Variants in DAPK1 observed in about 807,000 individuals in gnomAD.
DAPK1 encodes death associated protein kinase 1.
Under a neutral mutation model 144.9 loss-of-function variants are expected in DAPK1, and 56 were observed. That is an observed-to-expected ratio of 0.39 (90% CI 0.31 to 0.48). The LOEUF (loss-of-function observed/expected upper bound fraction) is 0.48, where lower values mean the gene tolerates loss of function less well. Ranked by LOEUF, DAPK1 falls within the 20% of genes least tolerant of loss-of-function variation. DAPK1 has a pLI of 0.95. For synonymous variants in DAPK1, 690 were observed against 749.0 expected (o/e 0.92, Z 1.29); for missense variants, 1,454 against 1,875.4 (o/e 0.78, Z 4.15).
chr9:87,528,983 A>G (rs78904489), intron 2 of DAPK1, among the ~76,000 whole-genome samples: 1 of 152,056 alleles, frequency 6.6e-6, no homozygotes, highest in Non-Finnish European at 1.5e-5. Flanking sequence ...TAAGGGAAGA[A>G]TGCTTCAAGG....
At chr9:87,678,227 T>G (rs528664735) in intron 19 of DAPK1, among the ~76,000 whole-genome samples, 38 of 152,212 alleles carry the variant, frequency 2.5e-4, no homozygotes, top group South Asian at 6.2e-4. Flanking sequence ...TTGTAGAATT[T>G]ATAGACAGGG....
At position 87,508,411 on chromosome 9, in the gene DAPK1, C is replaced by T. The variant is rs967708275; in HGVS notation, c.62+9272C>T. On this transcript the variant is annotated intron_variant, in intron 2 of 25. Transcript: ENST00000408954. The stretch of plus-strand genomic sequence containing the variant: ...AGGCTGGAGTGCAGTGGCGCGATTT[C>T]GGCTCACTGCAACCTCCACCTCCCG... 5.4e-5 allele frequency among the ~76,000 whole-genome samples: 8 copies of T among 148,854 alleles called. No individual in the cohort carries two copies. The South Asian group carries it at 1.3e-3, about 24-fold the overall frequency.
chr9:87,690,715 G>A (rs10435955), intron 21 of DAPK1, among the ~76,000 whole-genome samples: 21,591 of 151,968 alleles, frequency 0.14, 2,029 homozygotes, highest in East Asian at 0.43. Context: ...ATTATGTTGA[G>A]ATATGTTCCT....
chr9:87,566,246 C>T (rs1461767473), intron 2 of DAPK1, among the ~76,000 whole-genome samples: 2 of 152,098 alleles, frequency 1.3e-5, no homozygotes, highest in Non-Finnish European at 2.9e-5. Context: ...TAATCTCGAT[C>T]TCCTGACCTT....
At chr9:87,652,507 CA>C (rs1251664800) in intron 17 of DAPK1, among the ~76,000 whole-genome samples, 5 of 142,644 alleles carry the variant, frequency 3.5e-5, no homozygotes, top group African/African-American at 1.3e-4. Flanking sequence ...CACCTGATAC[CA>C]GGTCCTGATT....
rs1564000967 is a variant in DAPK1, at chr9:87,571,486, C to CCA, written c.63-33468_63-33467insCA. The stretch of plus-strand genomic sequence containing the variant: ...ACACACACACACACCAACACACACA[C>CCA]ACACACACCCCAACACACACACACA... On this transcript the variant is annotated intron_variant, in intron 2 of 25. Transcript: ENST00000408954. Among the ~76,000 whole-genome samples, 108 of 56,928 alleles carry CCA rather than the reference C, an allele frequency of 1.9e-3. 11 individuals are homozygous for CCA. The highest frequency in any genetic ancestry group is 9.4e-3 in the African/African-American group (105 of 11,182). 37.3% of individuals were successfully genotyped at this position (56,928 alleles called of 152,430 possible). A position where few individuals can be genotyped will look rare whatever the true frequency, so the allele number is the denominator to read the frequency against.
intron 3 of DAPK1, among the ~76,000 whole-genome samples, chr9:87,612,573 A>C (rs1268875422): frequency 1.3e-5 from 2 of 152,224 alleles, no homozygotes; most frequent in East Asian, 3.8e-4. Flanking sequence ...GTCCTTTGTT[A>C]GGGCAGGCCT....
At chr9:87,639,569 A>T in intron 5 of DAPK1, 81 bp from the exon 6 acceptor site, 1 of 1,610,410 alleles carries the variant, frequency 6.2e-7, no homozygotes, top group East Asian at 2.2e-5. Context: ...TTTCCCTGCT[A>T]CATGTTCCTG....
At chr9:87,633,974 A>G (rs983908269) in intron 3 of DAPK1, among the ~76,000 whole-genome samples, 3 of 152,232 alleles carry the variant, frequency 2.0e-5, no homozygotes, top group Admixed American at 6.5e-5. Flanking sequence ...CAGTTGGCCA[A>G]CAGGGAGTTC....
At chr9:87,550,634 A>G (rs1587709441) in intron 2 of DAPK1, among the ~76,000 whole-genome samples, 1 of 152,260 alleles carries the variant, frequency 6.6e-6, no homozygotes, top group South Asian at 2.1e-4. Flanking sequence ...AATGACATCT[A>G]CAATGACCAT....
At chr9:87,582,557 CTT>C (rs10659497) in intron 2 of DAPK1, among the ~76,000 whole-genome samples, 6 of 139,476 alleles carry the variant, frequency 4.3e-5, no homozygotes, top group Non-Finnish European at 3.1e-5. Flanking sequence ...AATTTTCCTG[CTT>C]TTTTTTTTTT....
chr9:87,662,033 C>T (rs1158288163), intron 18 of DAPK1, among the ~76,000 whole-genome samples: 3 of 152,136 alleles, frequency 2.0e-5, no homozygotes, highest in African/African-American at 7.2e-5. Flanking sequence ...TTTCATTTTT[C>T]TGCAAATAGA....
At chr9:87,672,170 C>T (rs1248513834) in intron 19 of DAPK1, among the ~76,000 whole-genome samples, 1 of 152,210 alleles carries the variant, frequency 6.6e-6, no homozygotes, top group East Asian at 1.9e-4. Flanking sequence ...TGGAACCCCG[C>T]AGACCACTCT....
At chr9:87,498,589 C>T (rs900821991) in intron 1 of DAPK1, 3 of 277,906 alleles carry the variant, frequency 1.1e-5, no homozygotes, top group East Asian at 6.1e-5. Context: ...CCCAGTGAGG[C>T]GCGTACCGTC....
chr9:87,707,265 G>A lies in DAPK1; in HGVS notation c.4194G>A (p.Val1398=). ...AADFLLKASS[V]FKINLDGNGQ... ...ACTTTTTGCTGAAGGCATCCTCTGT[G>A]TTCAAAATCAACCTGGATGGCAATG... is the stretch of plus-strand genomic sequence containing the variant. Residue 1398 remains valine (V), a synonymous_variant, in exon 26 of 26, where the codon GTG becomes GTA. Transcript: ENST00000408954. This position sits in a 1 kb window ranked among gnomAD's most constrained non-coding sequence, Gnocchi z 4.0. 2 of 1,614,084 alleles carry A rather than the reference G, an allele frequency of 1.2e-6. No individual in the cohort carries two copies. The highest frequency in any genetic ancestry group is 1.7e-6 in the Non-Finnish European group (2 of 1,179,984).
intron 11 of DAPK1, among the ~76,000 whole-genome samples, chr9:87,643,966 G>A (rs1250051300): frequency 6.6e-6 from 1 of 152,134 alleles, no homozygotes; most frequent in Non-Finnish European, 1.5e-5. Context: ...AGAGAATCAG[G>A]GAGAATGCAG....
At chr9:87,670,125 T>C (rs1216208217) in intron 19 of DAPK1, among the ~76,000 whole-genome samples, 5 of 152,160 alleles carry the variant, frequency 3.3e-5, no homozygotes, top group African/African-American at 9.7e-5. Context: ...TGTGTCATTA[T>C]GCCAGCGAAT....
chr9:87,510,656 G>C (rs1262916404), intron 2 of DAPK1, among the ~76,000 whole-genome samples: 1 of 152,206 alleles, frequency 6.6e-6, no homozygotes, highest in Non-Finnish European at 1.5e-5. Flanking sequence ...TTTGTCTCTG[G>C]TGTTGGTTGG....
At chr9:87,579,867 T>G (rs889110811) in intron 2 of DAPK1, among the ~76,000 whole-genome samples, 16 of 152,168 alleles carry the variant, frequency 1.1e-4, no homozygotes, top group African/African-American at 3.9e-4. Flanking sequence ...AAAAATGTAT[T>G]AAGTAGTATT....
Sources: gnomAD v4.1 joint callset for allele counts (sites outside exome capture counted in the v4.1 genomes callset) on GRCh38, gnomAD v4.1.1 for gene constraint, Gnocchi (gnomAD v3.1) non-coding constraint, MANE v1.5 for transcripts, NCBI Gene and HGNC (gene_info 2026-07-23, HGNC 2026-07-21) for gene names.